ANK3: variants seen among roughly 807,000 people sequenced by gnomAD.
ANK3 encodes the protein ankyrin 3.
ANK3 carries 57 observed loss-of-function variants against 370.9 expected under a neutral mutation model. That is an observed-to-expected ratio of 0.15 (90% CI 0.12 to 0.19). The LOEUF (loss-of-function observed/expected upper bound fraction) is 0.19. ANK3 is among the 10% of genes least tolerant of loss of function. The pLI is 1.00. For synonymous variants in ANK3, 1,929 were observed against 1,946.3 expected (o/e 0.99, Z 0.23); for missense variants, 4,439 against 5,302.1 (o/e 0.84, Z 5.06).
intron 2 of ANK3, among the ~76,000 whole-genome samples, chr10:60,396,731 C>A (rs1027690578): frequency 1.3e-5 from 2 of 151,972 alleles, no homozygotes; most frequent in African/African-American, 4.8e-5. Context: ...TTTAAGCTGG[C>A]CAAAAGGAAA....
At chr10:60,368,634 G>T (rs1051467298) in intron 1 of ANK3, among the ~76,000 whole-genome samples, 1 of 152,218 alleles carries the variant, frequency 6.6e-6, no homozygotes, top group Admixed American at 6.5e-5. Flanking sequence ...AAACAAGAAA[G>T]AAAATTACTT....
intron 1 of ANK3, among the ~76,000 whole-genome samples, chr10:60,637,574 A>T (rs182998577): frequency 3.3e-5 from 5 of 152,294 alleles, no homozygotes; most frequent in East Asian, 1.9e-4. Context: ...TAAAACAAAG[A>T]TTCATGTTCA....
chr10:60,253,688 A>G (rs2097698228), intron 7 of ANK3, among the ~76,000 whole-genome samples: 1 of 152,224 alleles, frequency 6.6e-6, no homozygotes, highest in Admixed American at 6.5e-5. Context: ...CAATAGACAC[A>G]TGGCTACTTT....
At chr10:60,532,077 A>G (rs543912000) in intron 2 of ANK3, among the ~76,000 whole-genome samples, 15 of 152,280 alleles carry the variant, frequency 9.9e-5, no homozygotes, top group Non-Finnish European at 1.5e-4. Flanking sequence ...AGGAATGAAT[A>G]TTGTTTAAAA....
chr10:60,167,887 T>G (rs2095666490), intron 21 of ANK3, among the ~76,000 whole-genome samples: 1 of 152,200 alleles, frequency 6.6e-6, no homozygotes, highest in African/African-American at 2.4e-5. Context: ...TTCCAGCATG[T>G]AATACTGCAA....
At chr10:60,263,799 G>C (rs2097843352) in intron 6 of ANK3, 36 bp downstream of exon 6, 1 of 1,611,108 alleles carries the variant, frequency 6.2e-7, no homozygotes, top group South Asian at 1.1e-5. Flanking sequence ...TAACACCGGA[G>C]AGTTGCATGA....
At chr10:60,089,459 TTGTGTGTGTGTG>T (rs61497871) in intron 28 of ANK3, among the ~76,000 whole-genome samples, 20,042 of 141,494 alleles carry the variant, frequency 0.14, 1,756 homozygotes, top group East Asian at 0.53. Context: ...TCCATCCAGG[TTGTGTGTGTGTG>T]TGTGTGTGTG....
At chr10:60,455,218 A>G (rs2064716302) in intron 2 of ANK3, among the ~76,000 whole-genome samples, 1 of 152,174 alleles carries the variant, frequency 6.6e-6, no homozygotes, top group Non-Finnish European at 1.5e-5. Flanking sequence ...GTTGCTTTTA[A>G]TTTACTCCCA....
chr10:60,266,005 A>T (rs1175285709), intron 5 of ANK3, among the ~76,000 whole-genome samples: 1 of 152,072 alleles, frequency 6.6e-6, no homozygotes, highest in Non-Finnish European at 1.5e-5. Flanking sequence ...TCTACCCTCC[A>T]TGCTTCAAGA....
At chr10:60,146,111 C>T (rs2094810141) in intron 23 of ANK3, 2 of 1,496,124 alleles carry the variant, frequency 1.3e-6, no homozygotes, top group African/African-American at 2.8e-5. Flanking sequence ...GTTCCATCCA[C>T]CAGAAACAGT....
chr10:60,306,968 G>C (rs1349201599), intron 1 of ANK3, among the ~76,000 whole-genome samples: 1 of 151,984 alleles, frequency 6.6e-6, no homozygotes, highest in African/African-American at 2.4e-5. Flanking sequence ...GGCCTCAAGC[G>C]ATCTACCCGC....
Position 60,104,426 on chromosome 10 carries a change from A to C in ANK3, c.3328+1479T>G, listed in dbSNP as rs181684635. ...GAAAGAAAGAAAAGAAAAGAAAAGA[A>C]AAGAAGTAGACCTACATTTGGACCC... On this transcript the variant is annotated intron_variant, in intron 28 of 43. Coordinates refer to ENST00000280772, the MANE Select transcript of ANK3 (RefSeq NM_020987.5). Among the ~76,000 whole-genome samples the C allele has an allele frequency of 3.2e-3, 485 of 151,042 alleles. 2 individuals carry two copies. The highest frequency in any genetic ancestry group is 5.7e-3 in the Non-Finnish European group (383 of 67,766).
At chr10:60,720,356 A>G (rs2079846517) in intron 1 of ANK3, among the ~76,000 whole-genome samples, 1 of 152,188 alleles carries the variant, frequency 6.6e-6, no homozygotes, top group African/African-American at 2.4e-5. Context: ...GTCTTTGAGA[A>G]ATGAATTCAG....
chr10:60,730,065 T>A (rs535012619), intron 1 of ANK3, among the ~76,000 whole-genome samples: 31 of 152,358 alleles, frequency 2.0e-4, no homozygotes, highest in African/African-American at 6.7e-4. Context: ...ATGTAGATTT[T>A]GGAAATGTTA....
At chr10:60,621,194 C>T (rs1407237806) in intron 1 of ANK3, among the ~76,000 whole-genome samples, 2 of 152,180 alleles carry the variant, frequency 1.3e-5, no homozygotes, top group Non-Finnish European at 2.9e-5. Context: ...AATGTGTTCG[C>T]TTATACCTAC....
At chr10:60,490,973 T>C (rs1289345754) in intron 2 of ANK3, among the ~76,000 whole-genome samples, 2 of 152,222 alleles carry the variant, frequency 1.3e-5, no homozygotes, top group African/African-American at 4.8e-5. Context: ...CTGATCTGAT[T>C]TATAGAACTA....
At chr10:60,382,655 C>T (rs1295848964) in intron 1 of ANK3, among the ~76,000 whole-genome samples, 1 of 151,960 alleles carries the variant, frequency 6.6e-6, no homozygotes, top group Non-Finnish European at 1.5e-5. Context: ...TTTCAATTCA[C>T]ATAATATAAA....
chr10:60,513,471 GGAAGTGAAACTCAAAAA>G (rs1188795973), intron 2 of ANK3, among the ~76,000 whole-genome samples: 1 of 152,038 alleles, frequency 6.6e-6, no homozygotes, highest in Non-Finnish European at 1.5e-5. Flanking sequence ...ACTTTTTTGA[GGAAGTGAAACTCAAAAA>G]GAAGTGAAAC....
chr10:60,138,927 T>C, intron 24 of ANK3, 37 bp downstream of exon 24: 1 of 1,605,792 alleles, frequency 6.2e-7, no homozygotes, highest in Non-Finnish European at 8.5e-7. Context: ...TCATGGTTGT[T>C]TTAAATTAAC....
Sources: gnomAD v4.1 joint callset for allele counts (sites outside exome capture counted in the v4.1 genomes callset) on GRCh38, gnomAD v4.1.1 for gene constraint, MANE v1.5 for transcripts, NCBI Gene and HGNC (gene_info 2026-07-23, HGNC 2026-07-21) for gene names.